The following PDE3A variants were observed in gnomAD, a reference collection of about 807,000 sequenced individuals.
PDE3A encodes phosphodiesterase 3A.
Under a neutral mutation model 98.3 loss-of-function variants are expected in PDE3A, and 43 were observed. That is an observed-to-expected ratio of 0.44 (90% CI 0.34 to 0.56). PDE3A has a LOEUF of 0.56. Ranked by LOEUF, PDE3A falls within the 20% of genes least tolerant of loss-of-function variation. The pLI, the probability that PDE3A is intolerant of heterozygous loss-of-function variation, is 0.01. For missense variants in PDE3A, 1,427 were observed against 1,440.7 expected, an observed-to-expected ratio of 0.99 and a Z score of 0.15; for synonymous variants, 663 against 567.9, an observed-to-expected ratio of 1.17 and a Z score of -2.38.
chr12:20,525,362 A>G (rs1946497489), intron 1 of PDE3A, among the ~76,000 whole-genome samples: 1 of 152,022 alleles, frequency 6.6e-6, no homozygotes, highest in Admixed American at 6.6e-5. Context: ...AGGACTTGTA[A>G]TGTTGCCAAC....
At chr12:20,463,068 T>C (rs996968123) in intron 1 of PDE3A, among the ~76,000 whole-genome samples, 2 of 152,162 alleles carry the variant, frequency 1.3e-5, no homozygotes, top group African/African-American at 4.8e-5. Context: ...CCACTGCACC[T>C]GGCAAATCTA....
chr12:20,542,853 G>A (rs907274758), intron 1 of PDE3A, among the ~76,000 whole-genome samples: 2 of 152,026 alleles, frequency 1.3e-5, no homozygotes, highest in Non-Finnish European at 2.9e-5. Context: ...AGCCTTGAAT[G>A]TGTCTTTTCA....
intron 5 of PDE3A, among the ~76,000 whole-genome samples, chr12:20,625,652 T>A (rs1250911636): frequency 6.6e-6 from 1 of 152,284 alleles, no homozygotes; most frequent in East Asian, 1.9e-4. Context: ...GAGAGTTTTA[T>A]AGCACAAAAC....
intron 10 of PDE3A, among the ~76,000 whole-genome samples, chr12:20,645,357 C>T (rs532793181): frequency 2.6e-5 from 4 of 152,222 alleles, no homozygotes; most frequent in African/African-American, 9.6e-5. Flanking sequence ...GCTACAATTG[C>T]CACATTGACC....
At chr12:20,509,862 ATT>A (rs1946188320) in intron 1 of PDE3A, among the ~76,000 whole-genome samples, 2 of 152,070 alleles carry the variant, frequency 1.3e-5, no homozygotes, top group Admixed American at 1.3e-4. Context: ...TGGGAGATGT[ATT>A]TGACTTACTC....
At chr12:20,384,955 A>G (rs1464565430) in intron 1 of PDE3A, among the ~76,000 whole-genome samples, 2 of 152,004 alleles carry the variant, frequency 1.3e-5, no homozygotes, top group African/African-American at 4.8e-5. Context: ...AGTTGATTCC[A>G]TGTCTTTGCT....
chr12:20,427,551 C>T (rs1482878826), intron 1 of PDE3A, among the ~76,000 whole-genome samples: 1 of 152,048 alleles, frequency 6.6e-6, no homozygotes, highest in African/African-American at 2.4e-5. Flanking sequence ...AAAATATCAG[C>T]CATTCTGTAT....
At chr12:20,601,825 C>CTTGTT (rs752199912) in intron 2 of PDE3A, among the ~76,000 whole-genome samples, 4 of 151,670 alleles carry the variant, frequency 2.6e-5, no homozygotes, top group East Asian at 3.9e-4. Flanking sequence ...GGCAGTAGCA[C>CTTGTT]TTGTTTTAAA....
intron 1 of PDE3A, among the ~76,000 whole-genome samples, chr12:20,397,011 A>G (rs868059534): frequency 8.1e-6 from 1 of 123,084 alleles, no homozygotes; most frequent in Non-Finnish European, 1.9e-5. Flanking sequence ...GTTTTCTTAT[A>G]TAGAAAATTT....
At chr12:20,597,837 TA>T (rs1943501901) in intron 2 of PDE3A, among the ~76,000 whole-genome samples, 1 of 152,148 alleles carries the variant, frequency 6.6e-6, no homozygotes, top group Non-Finnish European at 1.5e-5. Context: ...AGGTACCCAA[TA>T]GATTTCAGTT....
intron 2 of PDE3A, among the ~76,000 whole-genome samples, chr12:20,598,673 T>C (rs750121776): frequency 6.6e-6 from 1 of 152,178 alleles, no homozygotes; most frequent in Non-Finnish European, 1.5e-5. Flanking sequence ...CAAATTATTT[T>C]GTGAAGCCTG....
At chr12:20,522,284 G>C (rs1255709672) in intron 1 of PDE3A, among the ~76,000 whole-genome samples, 1 of 152,120 alleles carries the variant, frequency 6.6e-6, no homozygotes, top group Non-Finnish European at 1.5e-5. Context: ...TTCAAAGTGT[G>C]GTTCCCAGAT....
At chr12:20,485,357 G>T (rs969152661) in intron 1 of PDE3A, among the ~76,000 whole-genome samples, 2 of 152,026 alleles carry the variant, frequency 1.3e-5, no homozygotes, top group African/African-American at 4.8e-5. Flanking sequence ...CTAGCCTAAT[G>T]ACTCCAACTT....
intron 2 of PDE3A, among the ~76,000 whole-genome samples, chr12:20,592,715 T>C (rs1943369783): frequency 6.6e-6 from 1 of 152,180 alleles, no homozygotes; most frequent in South Asian, 2.1e-4. Flanking sequence ...GGGATCTGTG[T>C]TTGCCTGTTA....
At chr12:20,421,755 T>C (rs536093405) in intron 1 of PDE3A, among the ~76,000 whole-genome samples, 4 of 152,138 alleles carry the variant, frequency 2.6e-5, no homozygotes, top group African/African-American at 7.2e-5. Flanking sequence ...GTATTCAGGT[T>C]TCATGTCTGT....
In PDE3A at chr12:20,389,992, C is replaced by T. The variant is rs1943883878; in HGVS notation, c.960+19748C>T. ...AAAAGAATATTTCTATATATTTCCC[C>T]TATGGGCATAAGGCCCAGAGGATAT... On this transcript the variant is annotated intron_variant, in intron 1 of 15. Coordinates refer to ENST00000359062, the MANE Select transcript of PDE3A (RefSeq NM_000921.5). Among the ~76,000 whole-genome samples, 3 of 151,780 alleles carry T rather than the reference C, an allele frequency of 2.0e-5. No individual in the cohort carries two copies. In the South Asian group the frequency reaches 6.2e-4, roughly 31 times the overall value.
chr12:20,637,562 G>T (rs1944547232), intron 9 of PDE3A, among the ~76,000 whole-genome samples: 1 of 152,082 alleles, frequency 6.6e-6, no homozygotes, highest in African/African-American at 2.4e-5. Context: ...TCTAAAAGAA[G>T]AAAACTGCCT....
At chr12:20,396,548 C>G (rs961701171) in intron 1 of PDE3A, among the ~76,000 whole-genome samples, 5 of 151,968 alleles carry the variant, frequency 3.3e-5, no homozygotes, top group African/African-American at 9.7e-5. Context: ...TTCCAGTTGA[C>G]AAAAACTGGA....
intron 1 of PDE3A, among the ~76,000 whole-genome samples, chr12:20,428,527 C>T (rs1343157848): frequency 3.3e-5 from 5 of 152,016 alleles, no homozygotes; most frequent in South Asian, 2.1e-4. Flanking sequence ...GTGATCCGCC[C>T]GTCTCAGCCT....
Sources: gnomAD v4.1 joint callset for allele counts (sites outside exome capture counted in the v4.1 genomes callset) on GRCh38, gnomAD v4.1.1 for gene constraint, MANE v1.5 for transcripts, NCBI Gene and HGNC (gene_info 2026-07-23, HGNC 2026-07-21) for gene names.